PDZD2: variants seen among roughly 807,000 people sequenced by gnomAD.
The protein encoded by PDZD2 is PDZ domain-containing protein 2.
In PDZD2, 90 loss-of-function variants were observed where a neutral mutation model predicts 220.7. That is an observed-to-expected ratio of 0.41 (90% CI 0.34 to 0.49). PDZD2 has a LOEUF of 0.49. PDZD2 is among the 20% of genes least tolerant of loss of function. PDZD2 has a pLI of 0.28. For missense variants in PDZD2, 3,174 were observed against 3,608.5 expected (o/e 0.88, Z 3.08); for synonymous variants, 1,375 against 1,450.5 (o/e 0.95, Z 1.18).
At chr5:31,895,848 C>T (rs955484696) in intron 2 of PDZD2, among the ~76,000 whole-genome samples, 1 of 152,158 alleles carries the variant, frequency 6.6e-6, no homozygotes, top group Non-Finnish European at 1.5e-5. Context: ...CCCACCCTGC[C>T]TCTGTCCTTT....
Position 31,822,303 on chromosome 5 carries a change from G to A in PDZD2, c.476+22579G>A, listed in dbSNP as rs374277199. Among the ~76,000 whole-genome samples, 177 of 124,948 alleles carry A rather than the reference G, an allele frequency of 1.4e-3. 2 individuals carry two copies. The highest frequency in any genetic ancestry group is 5.3e-3 in the African/African-American group (170 of 32,080). 82.0% of individuals were successfully genotyped at this position (124,948 alleles called of 152,430 possible). Reference sequence around the variant, plus strand: ...TTTTTTTTTTTTTTTTTGAGAGAGCGTCTCACTTTGTCACCCAGGCTGGAG... The same window carrying A: ...TTTTTTTTTTTTTTTTTGAGAGAGCATCTCACTTTGTCACCCAGGCTGGAG... On this transcript the variant is annotated intron_variant, in intron 2 of 24. Transcript: ENST00000438447.
intron 1 of PDZD2, among the ~76,000 whole-genome samples, chr5:31,735,454 A>G (rs1306856148): frequency 6.6e-6 from 1 of 152,174 alleles, no homozygotes; most frequent in Admixed American, 6.5e-5. Context: ...AAAGCTAACC[A>G]AGAAGAGCCC....
chr5:32,100,890 G>A, intron 23 of PDZD2: 16 of 1,583,888 alleles, frequency 1.0e-5, no homozygotes, highest in Non-Finnish European at 1.4e-5. Context: ...TGCAAGTACA[G>A]CAGCAACACA....
intron 2 of PDZD2, among the ~76,000 whole-genome samples, chr5:31,823,320 T>C (rs1756018462): frequency 6.6e-6 from 1 of 151,796 alleles, no homozygotes; most frequent in African/African-American, 2.4e-5. Context: ...AGAAAAAAAT[T>C]AGCTTGGTAT....
intron 5 of PDZD2, among the ~76,000 whole-genome samples, chr5:32,008,359 C>T (rs1406731284): frequency 6.7e-6 from 1 of 150,034 alleles, no homozygotes; most frequent in Non-Finnish European, 1.5e-5. Context: ...CAGCTGACTG[C>T]AACTTCCGCC....
chr5:31,955,061 C>T (rs1210949583), intron 2 of PDZD2, among the ~76,000 whole-genome samples: 1 of 152,180 alleles, frequency 6.6e-6, no homozygotes, highest in Non-Finnish European at 1.5e-5. Flanking sequence ...TGTGGAACGT[C>T]TAGAGAGGAC....
In PDZD2 at chr5:31,832,938, G is replaced by A. The variant is rs7715711; in HGVS notation, c.476+33214G>A. 2.2e-3 allele frequency among the ~76,000 whole-genome samples: 338 copies of A among 152,288 alleles called. 1 individual carries two copies. The Middle Eastern group carries it at 0.027, about 12-fold the overall frequency. Reference sequence around the variant, plus strand: ...GGGTCACAGGTGGCCAAGGCCTTGGGGAACACATTGGTGTCTTTAAGGAGG... The same window carrying A: ...GGGTCACAGGTGGCCAAGGCCTTGGAGAACACATTGGTGTCTTTAAGGAGG... On this transcript the variant is annotated intron_variant, in intron 2 of 24. Transcript: ENST00000438447.
chr5:31,962,198 T>A (rs77485380), intron 2 of PDZD2, among the ~76,000 whole-genome samples: 3,287 of 152,274 alleles, frequency 0.022, 127 homozygotes, highest in African/African-American at 0.076. Context: ...TCTTAAGAAA[T>A]AGTGTTGACA....
At chr5:31,941,795 C>T (rs147317135) in intron 2 of PDZD2, among the ~76,000 whole-genome samples, 15 of 152,288 alleles carry the variant, frequency 9.8e-5, no homozygotes, top group African/African-American at 3.4e-4. Flanking sequence ...AGAAATTTAA[C>T]TTCTCATCTT....
chr5:31,932,090 TTC>T (rs1745343342), intron 2 of PDZD2, among the ~76,000 whole-genome samples: 3 of 152,146 alleles, frequency 2.0e-5, no homozygotes, highest in Admixed American at 2.0e-4. Context: ...TTTCATAACT[TTC>T]TGTGTGTGAT....
At chr5:31,974,909 T>A (rs979899262) in intron 2 of PDZD2, among the ~76,000 whole-genome samples, 4 of 152,154 alleles carry the variant, frequency 2.6e-5, no homozygotes, top group African/African-American at 9.7e-5. Context: ...AGACCGTGTC[T>A]CAGAAACAAA....
intron 1 of PDZD2, among the ~76,000 whole-genome samples, chr5:31,736,883 T>C (rs1253180511): frequency 6.6e-6 from 1 of 152,064 alleles, no homozygotes; most frequent in Non-Finnish European, 1.5e-5. Flanking sequence ...TTTAAATGTG[T>C]GTGGCACCTC....
intron 2 of PDZD2, among the ~76,000 whole-genome samples, chr5:31,980,769 A>G (rs1167392322): frequency 6.6e-6 from 1 of 152,048 alleles, no homozygotes; most frequent in Admixed American, 6.5e-5. Context: ...TATTTTTGAG[A>G]CTAGTGGATG....
At chr5:31,645,941 G>C (rs1745118995) in intron 1 of PDZD2, among the ~76,000 whole-genome samples, 1 of 151,876 alleles carries the variant, frequency 6.6e-6, no homozygotes, top group Non-Finnish European at 1.5e-5. Context: ...AGTGTACTCA[G>C]TAGGGGGAAG....
chr5:31,778,907 A>C (rs774568375), intron 1 of PDZD2, among the ~76,000 whole-genome samples: 2 of 152,222 alleles, frequency 1.3e-5, no homozygotes, highest in Admixed American at 1.3e-4. Flanking sequence ...ATTTTAGTGA[A>C]TATCCTTCAA....
intron 1 of PDZD2, among the ~76,000 whole-genome samples, chr5:31,735,926 T>C (rs1420641630): frequency 1.3e-5 from 2 of 152,056 alleles, no homozygotes; most frequent in Non-Finnish European, 2.9e-5. Flanking sequence ...GCCTGCGGGA[T>C]AGAGTGAGAA....
chr5:31,854,329 C>T (rs745773003), intron 2 of PDZD2, among the ~76,000 whole-genome samples: 21 of 152,154 alleles, frequency 1.4e-4, no homozygotes, highest in Non-Finnish European at 2.9e-5. Flanking sequence ...TTGACTGAAC[C>T]CCACAGAAGG....
Position 31,803,262 on chromosome 5 carries a change from T to TTTA in PDZD2, c.476+3540_476+3541insATT, listed in dbSNP as rs1491524902. ...GCAGGTGTGCACCACTGCATCTGGC[T>TTTA]TTTTTTTTTTTTTTTTTTTTTGTAG... is the stretch of plus-strand genomic sequence containing the variant. On this transcript the variant is annotated intron_variant, in intron 2 of 24. Coordinates refer to ENST00000438447, the MANE Select transcript of PDZD2 (RefSeq NM_178140.4). Among the ~76,000 whole-genome samples, 132 of 63,660 alleles carry TTTA rather than the reference T, an allele frequency of 2.1e-3. 5 individuals carry two copies. The South Asian group carries it at 0.057, about 28-fold the overall frequency. The allele number at this position is 63,660 out of a possible 152,430, so 41.8% of individuals were successfully genotyped here. A position where few individuals can be genotyped will look rare whatever the true frequency, so the allele number is the denominator to read the frequency against.
At chr5:31,700,863 T>G (rs1007252541) in intron 1 of PDZD2, among the ~76,000 whole-genome samples, 1 of 152,170 alleles carries the variant, frequency 6.6e-6, no homozygotes, top group Non-Finnish European at 1.5e-5. Context: ...GACCTTAGCT[T>G]GGGAGGGGAA....
Sources: allele counts gnomAD v4.1 joint callset (sites outside exome capture counted in the v4.1 genomes callset), GRCh38; gene constraint gnomAD v4.1.1; transcripts MANE v1.5; gene names NCBI Gene and HGNC (gene_info 2026-07-23, HGNC 2026-07-21).